ZNF132: variants seen among roughly 807,000 people sequenced by gnomAD.
ZNF132 encodes zinc finger protein 132 (clone pHZ-12).
In ZNF132, 6 loss-of-function variants were observed where a neutral mutation model predicts 9.3. The observed-to-expected ratio is 0.65, with a 90% CI of 0.35 to 1.28. The LOEUF (loss-of-function observed/expected upper bound fraction) is 1.28, where lower values mean the gene tolerates loss of function less well. ZNF132 is among the 50% of genes most tolerant of loss of function. ZNF132 has a pLI of 0.03. For synonymous variants in ZNF132, 296 were observed against 292.0 expected (o/e 1.01, Z -0.14); for missense variants, 877 against 843.2 (o/e 1.04, Z -0.50).
intron 1 of ZNF132, 45 bp from the exon 2 acceptor site, chr19:58,437,260 C>T (rs765209327): frequency 6.5e-7 from 1 of 1,537,150 alleles, no homozygotes; most frequent in Non-Finnish European, 8.7e-7. Context: ...TATGCAGGAC[C>T]TTGCTGTGTG....
chr19:58,436,035 A>C (rs989412864), intron 2 of ZNF132, among the ~76,000 whole-genome samples: 10 of 152,260 alleles, frequency 6.6e-5, no homozygotes, highest in Non-Finnish European at 1.3e-4. Context: ...ATATTGATAC[A>C]TGCTACAACA....
In ZNF132 at chr19:58,432,974, T is replaced by C. The variant is rs2052750638; in HGVS notation, c.*349A>G. On this transcript the variant is annotated 3_prime_UTR_variant, in exon 3 of 3. Transcript: ENST00000254166. ...TGCATCTTCCTGAGCTCAAATTAGATTTCCCTCAAGGCCCCTCAACCAGCA... is the reference window on the plus strand; with the variant it reads ...TGCATCTTCCTGAGCTCAAATTAGACTTCCCTCAAGGCCCCTCAACCAGCA... 5.6e-6 allele frequency: 1 copy of C among 179,160 alleles called. No individual in the cohort carries two copies. Among genetic ancestry groups the C allele is most frequent in the Non-Finnish European group, 1.2e-5 (1 of 86,888 alleles). 11.1% of individuals were successfully genotyped at this position (179,160 alleles called of 1,614,324 possible).
At chr19:58,436,895 C>T (rs2052776127) in intron 2 of ZNF132, 152 bp downstream of exon 2, 4 of 1,024,544 alleles carry the variant, frequency 3.9e-6, no homozygotes, top group African/African-American at 1.6e-5. Context: ...AGGGGAAGTA[C>T]ACACAGCAGA....
intron 2 of ZNF132, among the ~76,000 whole-genome samples, chr19:58,436,520 T>C (rs2052773523): frequency 6.6e-6 from 1 of 151,516 alleles, no homozygotes; most frequent in Admixed American, 6.6e-5. Context: ...CAAAAAAAAT[T>C]AGCTGGGTGT....
chr19:58,433,059 A>C lies in ZNF132; in HGVS notation c.*264T>G. On this transcript the variant is annotated 3_prime_UTR_variant, in exon 3 of 3. Transcript: ENST00000254166. ...GAACACAGGAAGGAAGGCTCAGGGT[A>C]CTGTTTTCCCCATGCATGAGGACAG... 5.3e-6 allele frequency: 2 copies of C among 377,674 alleles called. No individual in the cohort carries two copies. The highest frequency in any genetic ancestry group is 3.6e-5 in the South Asian group (1 of 27,474). The allele number at this position is 377,674 out of a possible 1,614,324, so 23.4% of individuals were successfully genotyped here.
In ZNF132 at chr19:58,434,137, C is replaced by A; in HGVS notation, c.1307G>T (p.Cys436Phe). The A allele has an allele frequency of 6.2e-7, 1 of 1,614,178 alleles. No homozygotes were observed. Among genetic ancestry groups the A allele is most frequent in the South Asian group, 1.1e-5 (1 of 91,082 alleles). ...TGERPYECSE[C>F]GRAFNNNSNL... ...GGAGTTATTGTTAAAAGCTCTTCCA[C>A]ATTCACTGCATTCATACGGTCTTTC... Residue 436 changes from cysteine (C) to phenylalanine (F), a missense_variant, in exon 3 of 3, where the codon TGT becomes TTT. By Grantham distance (205) the Cys-to-Phe change is radical. Transcript: ENST00000254166.
Position 58,434,538 on chromosome 19 carries a change from G to A in ZNF132, c.906C>T (p.His302=). Residue 302 remains histidine (H), a synonymous_variant, in exon 3 of 3, where the codon CAC becomes CAT. Transcript: ENST00000254166. ...TCTGGTGCTTCCTCAGCTTAGATGA[G>A]TGACTAAAGGCCTTCCCACACTCCT... ...VCKECGKAFS[H]SSKLRKHQKF... 1 of 1,614,176 alleles carries A rather than the reference G, an allele frequency of 6.2e-7. No homozygotes were observed.
Position 58,434,957 on chromosome 19 carries a change from CCTT to C in ZNF132, c.484_486del (p.Lys162del), listed in dbSNP as rs1481522510. On this transcript the variant is annotated inframe_deletion, in exon 3 of 3. Coordinates refer to ENST00000254166, the MANE Select transcript of ZNF132 (RefSeq NM_003433.4). ...CTAAAGGGCTTCCCTCCACTGTGCT[CCTT>C]CTGGTGCTGGTGAAGGTTTGCATTC... 3.7e-6 allele frequency: 6 copies of C among 1,614,066 alleles called. No individual in the cohort carries two copies. The highest frequency in any genetic ancestry group is 5.1e-6 in the Non-Finnish European group (6 of 1,180,054).
At position 58,433,806 on chromosome 19, in the gene ZNF132, A is replaced by C. The variant is rs1568596600; in HGVS notation, c.1638T>G (p.Ser546Arg). 1 of 1,614,176 alleles carries C rather than the reference A, an allele frequency of 6.2e-7. No individual in the cohort carries two copies. Among genetic ancestry groups the C allele is most frequent in the Non-Finnish European group, 8.5e-7 (1 of 1,180,014 alleles). ...TGTGAGCAAAGGCTTTCCCACACTC[A>C]CTACACTCGTAAGGCTTTTCTCCAG... The part of the protein sequence containing the change: ...IHTGEKPYEC[S>R]ECGKAFAHSS... Residue 546 changes from serine to arginine, a missense_variant, in exon 3 of 3, where the codon AGT (serine) becomes AGG (arginine). By Grantham distance (110) the Ser-to-Arg change is moderately radical (BLOSUM62 -1). Transcript: ENST00000254166.
chr19:58,436,777 G>A (rs1460207195), intron 2 of ZNF132: 1 of 555,558 alleles, frequency 1.8e-6, no homozygotes, highest in African/African-American at 1.9e-5. Flanking sequence ...GTGAATCTCA[G>A]TGGGATCTGT....
chr19:58,437,996 T>G (rs938159337), intron 1 of ZNF132, among the ~76,000 whole-genome samples: 1 of 152,200 alleles, frequency 6.6e-6, no homozygotes, highest in African/African-American at 2.4e-5. Context: ...CCACCTTGGC[T>G]TGGGGACTCA....
rs2052794418 is a variant in ZNF132, at chr19:58,440,049, C to G, written c.-228G>C. The G allele has an allele frequency of 1.9e-6, 1 of 536,690 alleles. No homozygotes were observed. The highest frequency in any genetic ancestry group is 2.5e-5 in the South Asian group (1 of 40,584). 33.2% of individuals were successfully genotyped at this position (536,690 alleles called of 1,614,324 possible). On this transcript the variant is annotated 5_prime_UTR_variant, in exon 1 of 3. Transcript: ENST00000254166. ...GAGTAATTAGCCGGGCACTATGGTG[C>G]GTGTGAAGGCGCGGTGACGGTCCCT...
chr19:58,437,140 A>G lies in ZNF132; in HGVS notation c.139T>C (p.Phe47Leu), dbSNP rs1249469775. 1.9e-6 allele frequency: 3 copies of G among 1,614,150 alleles called. No homozygotes were observed. The highest frequency in any genetic ancestry group is 3.3e-5 in the Admixed American group (2 of 60,022). ...MVTFEDVAVY[F>L]SQEEWELLDA... ...AGGAGCTCCCACTCCTCTTGGGAGA[A>G]GTATACAGCCACATCTTCAAAGGTT... The change falls in exon 2 of 3, where the codon TTC (phenylalanine) becomes CTC (leucine). Residue 47 changes from phenylalanine (F) to leucine (L), a missense_variant. Coordinates refer to ENST00000254166, the MANE Select transcript of ZNF132 (RefSeq NM_003433.4).
intron 2 of ZNF132, 44 bp from the exon 3 acceptor site, chr19:58,435,255 G>A (rs773669237): frequency 2.5e-6 from 4 of 1,570,040 alleles, no homozygotes; most frequent in Non-Finnish European, 2.6e-6. Flanking sequence ...TCCACTTGGT[G>A]GGAATGGTTG....
chr19:58,437,266 G>A (rs775430796), intron 1 of ZNF132, 51 bp from the exon 2 acceptor site: 69 of 1,528,676 alleles, frequency 4.5e-5, no homozygotes, highest in Middle Eastern at 1.8e-4. Flanking sequence ...GGACCTTGCT[G>A]TGTGACTCAG....
Position 58,433,999 on chromosome 19 carries a change from G to T in ZNF132, c.1445C>A (p.Thr482Asn), listed in dbSNP as rs770971713. ...ACAGCATTCAAAAGGCCGTTCTCCA[G>T]TGTGAACTTTCTGATGTCGAAGGAG... The part of the protein sequence containing the change: ...SHLLRHQKVH[T>N]GERPFECCDC... The change falls in exon 3 of 3, where the codon ACT becomes AAT. Residue 482 changes from threonine to asparagine, a missense_variant. By Grantham distance (65) the Thr-to-Asn change is moderately conservative (BLOSUM62 0). Coordinates refer to ENST00000254166, the MANE Select transcript of ZNF132 (RefSeq NM_003433.4). The T allele has an allele frequency of 1.2e-6, 2 of 1,614,224 alleles. No individual in the cohort carries two copies. The highest frequency in any genetic ancestry group is 1.7e-6 in the Non-Finnish European group (2 of 1,180,032).
chr19:58,439,351 A>G (rs1344366382), intron 1 of ZNF132, among the ~76,000 whole-genome samples: 1 of 152,088 alleles, frequency 6.6e-6, no homozygotes, highest in African/African-American at 2.4e-5. Flanking sequence ...CAAACCTTCC[A>G]TGGCTCCCAC....
Position 58,434,438 on chromosome 19 carries a change from G to C in ZNF132, c.1006C>G (p.His336Asp). ...KTFNHKLTFV[H>D]HQRIHSGERP... is the part of the protein sequence containing the mutation. ...TCTCCTGAGTGAATTCTCTGATGAT[G>C]AACAAATGTGAGTTTGTGGTTGAAG... The change falls in exon 3 of 3, where the codon CAT becomes GAT. Residue 336 changes from histidine to aspartate, a missense_variant. His to Asp is a moderately conservative substitution (Grantham distance 81). Coordinates refer to ENST00000254166, the MANE Select transcript of ZNF132 (RefSeq NM_003433.4). The C allele has an allele frequency of 1.2e-6, 2 of 1,614,220 alleles. No individual in the cohort carries two copies. Among genetic ancestry groups the C allele is most frequent in the Non-Finnish European group, 1.7e-6 (2 of 1,180,050 alleles).
Position 58,433,321 on chromosome 19 carries a change from A to AG in ZNF132, c.*1_*2insC. On this transcript the variant is annotated 3_prime_UTR_variant, in exon 3 of 3. Coordinates refer to ENST00000254166, the MANE Select transcript of ZNF132 (RefSeq NM_003433.4). ...ACAAAGACCACTTCCATAAGGCTCC[A>AG]CTCAGGTATGAATCTTTTTATGCTG... 1.2e-6 allele frequency: 2 copies of AG among 1,608,080 alleles called. No homozygotes were observed. Among genetic ancestry groups the AG allele is most frequent in the South Asian group, 2.2e-5 (2 of 90,540 alleles).
Sources: allele counts gnomAD v4.1 joint callset (sites outside exome capture counted in the v4.1 genomes callset), GRCh38; gene constraint gnomAD v4.1.1; transcripts MANE v1.5; gene names NCBI Gene and HGNC (gene_info 2026-07-23, HGNC 2026-07-21).